NBAS: variants seen among roughly 807,000 people sequenced by gnomAD.
NBAS encodes the protein NAG/BC035112 fusion.
Under a neutral mutation model 302.5 loss-of-function variants are expected in NBAS, and 219 were observed. The observed-to-expected ratio is 0.72, with a 90% CI of 0.65 to 0.81. NBAS has a LOEUF of 0.81. NBAS is among the 30% of genes least tolerant of loss of function. NBAS has a pLI of 0.00. For missense variants in NBAS, 2,932 were observed against 2,841.6 expected, an observed-to-expected ratio of 1.03 and a Z score of -0.72; for synonymous variants, 1,118 against 1,021.6, an observed-to-expected ratio of 1.09 and a Z score of -1.80.
intron 44 of NBAS, among the ~76,000 whole-genome samples, chr2:15,264,839 C>T (rs1358137104): frequency 2.0e-5 from 3 of 152,242 alleles, no homozygotes; most frequent in South Asian, 2.1e-4. Context: ...CTGGATGTGA[C>T]GAGGGAGACG....
At chr2:15,266,007 G>A (rs971468024) in intron 44 of NBAS, among the ~76,000 whole-genome samples, 2 of 152,186 alleles carry the variant, frequency 1.3e-5, no homozygotes, top group African/African-American at 2.4e-5. Context: ...CATGTGTCAA[G>A]AGCGGGACCA....
chr2:15,528,872 A>C (rs1410164491), intron 9 of NBAS, among the ~76,000 whole-genome samples: 1 of 32,944 alleles, frequency 3.0e-5, no homozygotes, highest in Non-Finnish European at 7.8e-5. Flanking sequence ...ATCTCAAAAA[A>C]AAAAAAATAT....
the NBAS span, among the ~76,000 whole-genome samples, chr2:14,839,537 T>C: frequency 6.6e-6 from 1 of 151,950 alleles, no homozygotes; most frequent in Non-Finnish European, 1.5e-5. Flanking sequence ...CAAATCAGAG[T>C]AGCAGTTCAG....
the NBAS span, among the ~76,000 whole-genome samples, chr2:15,104,514 T>TA: frequency 8.1e-5 from 12 of 148,570 alleles, no homozygotes; most frequent in Admixed American, 2.7e-4. Context: ...TTTTTTTTTT[T>TA]ACCAAAATTG....
At chr2:15,318,556 A>T (rs1252279569) in intron 38 of NBAS, among the ~76,000 whole-genome samples, 1 of 152,220 alleles carries the variant, frequency 6.6e-6, no homozygotes, top group Admixed American at 6.5e-5. Flanking sequence ...AGGAAGATCT[A>T]CCAAGCAAAT....
intron 38 of NBAS, among the ~76,000 whole-genome samples, chr2:15,319,462 G>C (rs745617265): frequency 1.4e-5 from 2 of 141,334 alleles, no homozygotes; most frequent in Admixed American, 7.0e-5. Context: ...TCCAGGAGCT[G>C]GTTTTTTTAA....
chr2:15,415,568 A>G lies in NBAS; in HGVS notation c.2915T>C (p.Ile972Thr). Residue 972 changes from isoleucine (I) to threonine (T), a missense_variant, in exon 25 of 52, where the codon ATA (isoleucine) becomes ACA (threonine). By Grantham distance (89) the Ile-to-Thr change is moderately conservative. Transcript: ENST00000281513. ...TACATCTGGTTTGGAATGCTGAAAT[A>G]TCTTCAGGGGAAATTTTAAGTCCCC... ...AKGDLKFPLKIFQHSKPDLQQ... is the reference protein window; with the variant it reads ...AKGDLKFPLKTFQHSKPDLQQ... 1 of 1,614,144 alleles carries G rather than the reference A, an allele frequency of 6.2e-7. No homozygotes were observed. Among genetic ancestry groups the G allele is most frequent in the Non-Finnish European group, 8.5e-7 (1 of 1,179,992 alleles).
chr2:15,387,418 A>C (rs1675357683), intron 28 of NBAS, among the ~76,000 whole-genome samples: 1 of 152,138 alleles, frequency 6.6e-6, no homozygotes, highest in Non-Finnish European at 1.5e-5. Context: ...TGAACTTCCA[A>C]AGAACTTAGC....
the NBAS span, among the ~76,000 whole-genome samples, chr2:14,961,314 T>C: frequency 6.6e-6 from 1 of 152,186 alleles, no homozygotes; most frequent in South Asian, 2.1e-4. Flanking sequence ...ATATTGGAGG[T>C]GGGGCCTAGT....
chr2:14,811,574 G>A, the NBAS span, among the ~76,000 whole-genome samples: 1 of 152,150 alleles, frequency 6.6e-6, no homozygotes, highest in Admixed American at 6.5e-5. Context: ...GGAGGTAGAG[G>A]TCAGGGATGC....
At chr2:15,004,798 C>T in the NBAS span, among the ~76,000 whole-genome samples, 1 of 151,346 alleles carries the variant, frequency 6.6e-6, no homozygotes, top group Admixed American at 6.6e-5. Context: ...GTGTGAGCTA[C>T]CAGACCCAGC....
chr2:15,528,615 C>G (rs1334046805), intron 9 of NBAS, among the ~76,000 whole-genome samples: 2 of 149,998 alleles, frequency 1.3e-5, no homozygotes, highest in Admixed American at 6.6e-5. Flanking sequence ...CACCTGTAAT[C>G]CCAACACTTT....
In NBAS at chr2:15,402,225, T is replaced by A; in HGVS notation, c.3014A>T (p.Asn1005Ile). 1 of 1,613,670 alleles carries A rather than the reference T, an allele frequency of 6.2e-7. No individual in the cohort carries two copies. Among genetic ancestry groups the A allele is most frequent in the Non-Finnish European group, 8.5e-7 (1 of 1,179,706 alleles). The change falls in exon 26 of 52, where the codon AAT becomes ATT. Residue 1005 changes from asparagine to isoleucine, a missense_variant. Transcript: ENST00000281513. Reference sequence around the variant, plus strand: ...GTCATAGCAAAGACAGAGTTGATCATTTCGTTCACAGGTATAGATGCACTC... The same window carrying A: ...GTCATAGCAAAGACAGAGTTGATCAATTCGTTCACAGGTATAGATGCACTC... ...ALECIYTCER[N>I]DQLCLCYDLL...
intron 10 of NBAS, among the ~76,000 whole-genome samples, chr2:15,508,756 CACTT>C (rs1661995070): frequency 6.6e-6 from 1 of 151,998 alleles, no homozygotes; most frequent in South Asian, 2.1e-4. Context: ...GTAATCCTAG[CACTT>C]TGGGAGGCCA....
At chr2:15,323,912 A>G (rs1302360168) in intron 38 of NBAS, among the ~76,000 whole-genome samples, 14 of 44,710 alleles carry the variant, frequency 3.1e-4, no homozygotes, top group African/African-American at 1.2e-3. Flanking sequence ...AGTTTCTGAA[A>G]AAAAAAAAAA....
chr2:15,039,103 A>T, the NBAS span, among the ~76,000 whole-genome samples: 1 of 152,200 alleles, frequency 6.6e-6, no homozygotes, highest in Non-Finnish European at 1.5e-5. Flanking sequence ...TCTGACTCTG[A>T]CTAGCCCTCT....
At chr2:15,094,612 C>T in the NBAS span, among the ~76,000 whole-genome samples, 1 of 152,202 alleles carries the variant, frequency 6.6e-6, no homozygotes, top group East Asian at 1.9e-4. Context: ...AAGCCTCTGG[C>T]TTTAAGTTCC....
chr2:14,821,098 T>C, the NBAS span, among the ~76,000 whole-genome samples: 1 of 152,026 alleles, frequency 6.6e-6, no homozygotes, highest in Admixed American at 6.6e-5. Flanking sequence ...GGCTAATTTG[T>C]TGTATTTTTA....
rs79096873 is a variant in NBAS at position 15,525,362 on chromosome 2, T to C, written c.746+9181A>G. ...GAACTATGGTCTGTGCCCAGTACAG[T>C]GCCAGAAAAATGTGGTCCAGAAAGA... On this transcript the variant is annotated intron_variant, in intron 9 of 51. Coordinates refer to ENST00000281513, the MANE Select transcript of NBAS (RefSeq NM_015909.4). Among the ~76,000 whole-genome samples the C allele has an allele frequency of 4.9e-3, 753 of 152,274 alleles. 9 individuals are homozygous for C. The highest frequency in any genetic ancestry group is 0.017 in the African/African-American group (699 of 41,530).
Sources: gnomAD v4.1 joint callset for allele counts (sites outside exome capture counted in the v4.1 genomes callset) on GRCh38, gnomAD v4.1.1 for gene constraint, MANE v1.5 for transcripts, NCBI Gene and HGNC (gene_info 2026-07-23, HGNC 2026-07-21) for gene names.